The following DIAPH2 variants were observed in gnomAD, a reference collection of about 807,000 sequenced individuals.
DIAPH2 encodes protein diaphanous homolog 2.
DIAPH2 carries 35 observed loss-of-function variants against 92.7 expected under a neutral mutation model. That is an observed-to-expected ratio of 0.38 (90% CI 0.29 to 0.50). The LOEUF is 0.50. Ranked by LOEUF, DIAPH2 falls within the 20% of genes least tolerant of loss-of-function variation. The pLI is 0.94. For synonymous variants in DIAPH2, 301 were observed against 280.4 expected (o/e 1.07, Z -0.73); for missense variants, 701 against 819.5 (o/e 0.86, Z 1.77).
At chrX:97,453,352 C>T (rs1398738483) in intron 26 of DIAPH2, among the ~76,000 whole-genome samples, 1 of 109,212 alleles carries the variant, frequency 9.2e-6, no homozygotes, top group African/African-American at 3.3e-5. Flanking sequence ...ACATATAGTA[C>T]ATATACTATA....
At chrX:96,969,775 T>C (rs2147830134) in intron 17 of DIAPH2, among the ~76,000 whole-genome samples, 1 of 111,512 alleles carries the variant, frequency 9.0e-6, no homozygotes, top group South Asian at 3.8e-4. Flanking sequence ...CTATGTTTAA[T>C]AGGAACGATG....
At chrX:97,340,812 C>A (rs1724602296) in intron 23 of DIAPH2, among the ~76,000 whole-genome samples, 1 of 108,133 alleles carries the variant, frequency 9.2e-6, no homozygotes, top group Non-Finnish European at 1.9e-5. Flanking sequence ...CCCTCCACCA[C>A]ATCCTGCTGT....
intron 4 of DIAPH2, among the ~76,000 whole-genome samples, chrX:96,798,847 G>C (rs2064559969): frequency 9.0e-6 from 1 of 111,262 alleles, no homozygotes; most frequent in South Asian, 3.8e-4. Context: ...TCCTTTTTCT[G>C]ATTTCCAAAT....
At chrX:97,410,902 A>G (rs1174473753) in intron 25 of DIAPH2, among the ~76,000 whole-genome samples, 1 of 111,973 alleles carries the variant, frequency 8.9e-6, no homozygotes, top group Non-Finnish European at 1.9e-5. Context: ...ATATGGGACT[A>G]TGTGAAAAGG....
intron 17 of DIAPH2, among the ~76,000 whole-genome samples, chrX:97,063,931 TG>T (rs2066617171): frequency 8.9e-6 from 1 of 112,281 alleles, no homozygotes; most frequent in East Asian, 2.8e-4. Context: ...GTTTACTTAG[TG>T]TTTCTGGCTG....
intron 22 of DIAPH2, among the ~76,000 whole-genome samples, chrX:97,193,805 G>C (rs1249131967): frequency 8.9e-6 from 1 of 112,060 alleles, no homozygotes; most frequent in African/African-American, 3.2e-5. Flanking sequence ...TGCTTTCTCT[G>C]CTGGAAGTAG....
rs567074215 is a variant in DIAPH2, at chrX:97,280,162, G to C, written c.2844+32323G>C. ...ATCACAGTAGCTATAATTAAGGACC[G>C]GCATGGAGACATTTTTAATAATAGA... is the stretch of plus-strand genomic sequence containing the variant. On this transcript the variant is annotated intron_variant, in intron 23 of 26. Transcript: ENST00000324765. Among the ~76,000 whole-genome samples the C allele has an allele frequency of 4.5e-5, 5 of 111,098 alleles. No homozygotes were observed. In the South Asian group the frequency reaches 1.2e-3, roughly 26 times the overall value.
At chrX:96,779,021 A>G (rs980776501) in intron 4 of DIAPH2, among the ~76,000 whole-genome samples, 12 of 112,187 alleles carry the variant, frequency 1.1e-4, no homozygotes, top group African/African-American at 3.6e-4. Context: ...TAAATAACCT[A>G]TTTCTCTGAA....
At position 96,886,909 on chromosome X, in the gene DIAPH2, CTCTT is replaced by C. The variant is rs1323566008; in HGVS notation, c.587+5193_587+5196del. On this transcript the variant is annotated intron_variant, in intron 5 of 26. Transcript: ENST00000324765. ...AGGAGCATGCGGAGGGGGAAAAAAACTCTTTTTTTTTTGTTTGGGAGGCCAAACT... is the reference window on the plus strand; with the variant it reads ...AGGAGCATGCGGAGGGGGAAAAAAACTTTTTTTTGTTTGGGAGGCCAAACT... Among the ~76,000 whole-genome samples, 23 of 75,363 alleles carry C rather than the reference CTCTT, an allele frequency of 3.1e-4. No individual in the cohort carries two copies. In the Admixed American group the frequency reaches 3.3e-3, roughly 11 times the overall value. The allele number at this position is 75,363 out of a possible 115,157, so 65.4% of individuals were successfully genotyped here.
chrX:97,243,716 C>A (rs2068117256), intron 22 of DIAPH2, among the ~76,000 whole-genome samples: 1 of 111,432 alleles, frequency 9.0e-6, no homozygotes, highest in Non-Finnish European at 1.9e-5. Context: ...TTTGTCTAAG[C>A]ATCTCCCGAA....
intron 22 of DIAPH2, among the ~76,000 whole-genome samples, chrX:97,189,810 G>A (rs778947525): frequency 1.2e-3 from 132 of 112,619 alleles, no homozygotes; most frequent in Admixed American, 2.9e-3. Flanking sequence ...GAAGGGCAAG[G>A]CCCTAGAGAG....
In DIAPH2 at chrX:96,963,959, A is replaced by C. The variant is rs1427846459; in HGVS notation, c.1936-1134A>C. ...AAGTGACAATATTCAATATTGATAT[A>C]CCTTAATTTTTTTTGATGTATGAAA... On this transcript the variant is annotated intron_variant, in intron 16 of 26. Coordinates refer to ENST00000324765, the MANE Select transcript of DIAPH2 (RefSeq NM_006729.5). Among the ~76,000 whole-genome samples, 9 of 110,736 alleles carry C rather than the reference A, an allele frequency of 8.1e-5. 1 individual carries two copies. The Admixed American group carries it at 8.7e-4, about 11-fold the overall frequency.
intron 23 of DIAPH2, among the ~76,000 whole-genome samples, chrX:97,267,569 G>A (rs780752815): frequency 9.0e-6 from 1 of 111,424 alleles, no homozygotes; most frequent in African/African-American, 3.3e-5. Flanking sequence ...ATGCTAACAA[G>A]TAGGAAGTCC....
chrX:96,864,291 CTTTT>C lies in DIAPH2; in HGVS notation c.448-17272_448-17269del, dbSNP rs771042613. Among the ~76,000 whole-genome samples the C allele has an allele frequency of 4.0e-4, 35 of 87,306 alleles. No individual in the cohort carries two copies. In the South Asian group the frequency reaches 0.02, roughly 51 times the overall value. 75.8% of individuals were successfully genotyped at this position (87,306 alleles called of 115,157 possible). A position where few individuals can be genotyped will look rare whatever the true frequency, so the allele number is the denominator to read the frequency against. On this transcript the variant is annotated intron_variant, in intron 4 of 26. Coordinates refer to ENST00000324765, the MANE Select transcript of DIAPH2 (RefSeq NM_006729.5). ...AAAATAAGTCATACTTTTTGAGGCA[CTTTT>C]TTTTTTTTTTTTTTTAACCACATGG...
intron 23 of DIAPH2, among the ~76,000 whole-genome samples, chrX:97,332,305 TC>T (rs1428334048): frequency 8.9e-6 from 1 of 111,992 alleles, no homozygotes; most frequent in African/African-American, 3.2e-5. Context: ...ATTCCACAGA[TC>T]ATCTTGTATA....
At chrX:97,278,828 G>A (rs758674428) in intron 23 of DIAPH2, among the ~76,000 whole-genome samples, 11 of 112,291 alleles carry the variant, frequency 9.8e-5, no homozygotes, top group Non-Finnish European at 1.9e-4. Flanking sequence ...AGATAAGGAA[G>A]GGTCTGCACC....
chrX:97,105,553 T>C (rs1489103399), intron 20 of DIAPH2, among the ~76,000 whole-genome samples: 3 of 111,559 alleles, frequency 2.7e-5, no homozygotes, highest in Non-Finnish European at 5.6e-5. Context: ...TTTTGAAAGC[T>C]CTGGCAGTTA....
intron 4 of DIAPH2, among the ~76,000 whole-genome samples, chrX:96,789,559 C>T (rs1370387600): frequency 1.8e-5 from 2 of 111,727 alleles, no homozygotes; most frequent in Non-Finnish European, 3.8e-5. Flanking sequence ...CTGCTTTAGG[C>T]GGGAGAAGGA....
intron 23 of DIAPH2, among the ~76,000 whole-genome samples, chrX:97,345,724 T>C (rs1392249230): frequency 8.9e-6 from 1 of 112,038 alleles, no homozygotes; most frequent in Non-Finnish European, 1.9e-5. Flanking sequence ...TTAATGGATT[T>C]AACTCTAATT....
Sources: allele counts gnomAD v4.1 joint callset (sites outside exome capture counted in the v4.1 genomes callset), GRCh38; gene constraint gnomAD v4.1.1; transcripts MANE v1.5; gene names NCBI Gene and HGNC (gene_info 2026-07-23, HGNC 2026-07-21).